HDGFL2: variants seen among roughly 807,000 people sequenced by gnomAD.
HDGFL2 encodes hepatoma-derived growth factor-related protein 2.
Under a neutral mutation model 77.1 loss-of-function variants are expected in HDGFL2, and 36 were observed. The observed-to-expected ratio is 0.47, with a 90% CI of 0.36 to 0.62. The LOEUF (loss-of-function observed/expected upper bound fraction) is 0.62. Ranked by LOEUF, HDGFL2 falls within the 20% of genes least tolerant of loss-of-function variation. The pLI, the probability that HDGFL2 is intolerant of heterozygous loss-of-function variation, is 0.00. For missense variants in HDGFL2, 976 were observed against 973.4 expected (o/e 1.00, Z -0.04); for synonymous variants, 463 against 413.1 (o/e 1.12, Z -1.46).
chr19:4,494,149 G>C lies in HDGFL2; in HGVS notation c.915-17G>C. The C allele has an allele frequency of 6.7e-7, 1 of 1,488,022 alleles. No individual in the cohort carries two copies. The highest frequency in any genetic ancestry group is 1.3e-5 in the South Asian group (1 of 74,746). The allele number at this position is 1,488,022 out of a possible 1,614,324, so 92.2% of individuals were successfully genotyped here. A position where few individuals can be genotyped will look rare whatever the true frequency, so the allele number is the denominator to read the frequency against. ...GAGGGAGGAACGGAGGTCCCCAACC[G>C]CCCCCTCCGCCTCCAGTGACAGCGA... On this transcript the variant is annotated splice_polypyrimidine_tract_variant and intron_variant, in intron 8 of 15. Coordinates refer to ENST00000616600, the MANE Select transcript of HDGFL2 (RefSeq NM_001001520.3).
At chr19:4,498,446 C>T in intron 12 of HDGFL2, 70 bp downstream of exon 12, 1 of 1,247,870 alleles carries the variant, frequency 8.0e-7, no homozygotes, top group Non-Finnish European at 1.2e-6. Flanking sequence ...CCTTAGATGT[C>T]TCGGGAAACT....
intron 1 of HDGFL2, among the ~76,000 whole-genome samples, chr19:4,472,876 C>T (rs1197125537): frequency 9.4e-5 from 14 of 149,428 alleles, no homozygotes; most frequent in Non-Finnish European, 1.5e-4. Flanking sequence ...GTGTCCAAGC[C>T]CTGCAGGAGC....
intron 1 of HDGFL2, chr19:4,474,994 C>T (rs1229938607): frequency 2.8e-5 from 12 of 421,756 alleles, no homozygotes; most frequent in Non-Finnish European, 3.0e-5. Context: ...GCCCCACCCC[C>T]TGGTTGCTTC....
intron 4 of HDGFL2, among the ~76,000 whole-genome samples, chr19:4,491,277 A>ACCCCCCCTC (rs1568211789): frequency 7.1e-5 from 1 of 14,028 alleles, no homozygotes; most frequent in African/African-American, 2.6e-4. Context: ...CCACCCCCCC[A>ACCCCCCCTC]CCCCCCCCGG....
intron 3 of HDGFL2, among the ~76,000 whole-genome samples, chr19:4,480,047 T>C (rs1466428488): frequency 6.6e-6 from 1 of 151,992 alleles, no homozygotes; most frequent in Non-Finnish European, 1.5e-5. Context: ...CAGGTCATTC[T>C]CTGGCATAGG....
chr19:4,498,951 G>T, intron 13 of HDGFL2, 36 bp downstream of exon 13: 2 of 1,456,078 alleles, frequency 1.4e-6, no homozygotes, highest in South Asian at 1.2e-5. Flanking sequence ...GGGTGCAGTC[G>T]GGGGAGCTGG....
chr19:4,493,956 G>T (rs1975623363), intron 7 of HDGFL2, 26 bp from the exon 8 acceptor site: 2 of 1,594,860 alleles, frequency 1.3e-6, no homozygotes, highest in Non-Finnish European at 1.7e-6. Flanking sequence ...GGAAGGGAAG[G>T]TCACCCCCTC....
At chr19:4,499,951 G>A (rs1433454544) in intron 14 of HDGFL2, among the ~76,000 whole-genome samples, 1 of 152,206 alleles carries the variant, frequency 6.6e-6, no homozygotes, top group Non-Finnish European at 1.5e-5. Context: ...CGCCAGAGGG[G>A]TGACGGGGAC....
intron 3 of HDGFL2, among the ~76,000 whole-genome samples, chr19:4,481,845 C>A (rs1323808755): frequency 3.3e-5 from 5 of 151,984 alleles, no homozygotes; most frequent in Non-Finnish European, 5.9e-5. Context: ...TGCACATCGA[C>A]ACTTAGGAAG....
Position 4,495,772 on chromosome 19 carries a change from T to A in HDGFL2, c.1225-530T>A, listed in dbSNP as rs1341436933. ...GCTTGCAGGTGAGCGTGGGAGCAGG[T>A]AGGAGGCCTCCTAGGGTGGTGACTG... On this transcript the variant is annotated intron_variant, in intron 9 of 15. Coordinates refer to ENST00000616600, the MANE Select transcript of HDGFL2 (RefSeq NM_001001520.3). Among the ~76,000 whole-genome samples the A allele has an allele frequency of 2.0e-5, 3 of 152,004 alleles. No individual in the cohort carries two copies. In the East Asian group the frequency reaches 5.8e-4, roughly 29 times the overall value.
chr19:4,488,483 C>T (rs915106817), intron 3 of HDGFL2, among the ~76,000 whole-genome samples, 193 bp from the exon 4 acceptor site: 21 of 152,190 alleles, frequency 1.4e-4, no homozygotes, highest in African/African-American at 4.6e-4. Context: ...CCACCATACA[C>T]GAATCCATCT....
At chr19:4,483,948 C>T (rs1975290445) in intron 3 of HDGFL2, among the ~76,000 whole-genome samples, 1 of 151,886 alleles carries the variant, frequency 6.6e-6, no homozygotes, top group Non-Finnish European at 1.5e-5. Flanking sequence ...TGCCACCACG[C>T]CCAGCTAATT....
chr19:4,480,620 G>A (rs1239160027), intron 3 of HDGFL2, among the ~76,000 whole-genome samples: 1 of 152,152 alleles, frequency 6.6e-6, no homozygotes, highest in Non-Finnish European at 1.5e-5. Context: ...TCGGGAGGCT[G>A]AGGCAGGACA....
intron 3 of HDGFL2, among the ~76,000 whole-genome samples, chr19:4,481,145 C>T (rs562106588): frequency 6.6e-6 from 1 of 151,346 alleles, no homozygotes; most frequent in East Asian, 2.0e-4. Flanking sequence ...CCTCAGCCTC[C>T]CGAGTAGCTG....
rs934821954 is a variant in HDGFL2 at position 4,491,895 on chromosome 19, G to T, written c.678+60G>T. ...TCGTGGGGCACCTCTGCGGTCTCCA[G>T]TGCTGTCCCCAGGGCAGGGCGGGCC... On this transcript the variant is annotated intron_variant, in intron 6 of 15. Coordinates refer to ENST00000616600, the MANE Select transcript of HDGFL2 (RefSeq NM_001001520.3). 3.2e-5 allele frequency: 47 copies of T among 1,483,422 alleles called. 1 individual carries two copies. The Admixed American group carries it at 7.9e-4, about 25-fold the overall frequency. The allele number at this position is 1,483,422 out of a possible 1,614,324, so 91.9% of individuals were successfully genotyped here.
intron 13 of HDGFL2, among the ~76,000 whole-genome samples, 191 bp from the exon 14 acceptor site, chr19:4,499,300 C>G (rs1012765518): frequency 6.6e-6 from 1 of 151,524 alleles, no homozygotes; most frequent in African/African-American, 2.4e-5. Flanking sequence ...GAGCCGAGAT[C>G]GCGCCACTGC....
intron 10 of HDGFL2, 126 bp from the exon 11 acceptor site, chr19:4,497,832 G>T: frequency 1.2e-6 from 1 of 832,040 alleles, no homozygotes. Flanking sequence ...CCGTTTCCCG[G>T]CTTAGCTCCC....
rs934052637 is a variant in HDGFL2, at chr19:4,494,036, C to T, written c.893C>T (p.Pro298Leu). The T allele has an allele frequency of 1.1e-5, 18 of 1,610,002 alleles. No individual in the cohort carries two copies. The highest frequency in any genetic ancestry group is 2.2e-5 in the East Asian group (1 of 44,716). Residue 298 changes from proline to leucine, a missense_variant, in exon 8 of 16, where the codon CCG (proline) becomes CTG (leucine). Around this residue, in one of 5 missense-constraint regions of HDGFL2, gnomAD observed 567 missense variants for 534.7 expected, o/e 1.06. Coordinates refer to ENST00000616600, the MANE Select transcript of HDGFL2 (RefSeq NM_001001520.3). ...RGRKPKPERPPSSSSSDSDSD... is the reference protein window; with the variant it reads ...RGRKPKPERPLSSSSSDSDSD... The stretch of plus-strand genomic sequence containing the variant: ...CGGAAACCGAAGCCTGAACGGCCTC[C>T]GTCCAGCTCCAGCAGTGACAGGTGG...
In HDGFL2 at chr19:4,472,331, C is replaced by T. The variant is rs1182885410; in HGVS notation, c.-20C>T. ...CGCCGCTGCAGCCGCTTTCCGCGGC[C>T]TGGGCCTCTCGCCGTCAGCATGCCA... On this transcript the variant is annotated 5_prime_UTR_variant, in exon 1 of 16. Coordinates refer to ENST00000616600, the MANE Select transcript of HDGFL2 (RefSeq NM_001001520.3). 5.3e-6 allele frequency: 8 copies of T among 1,508,362 alleles called. No individual in the cohort carries two copies. In the African/African-American group the frequency reaches 5.8e-5, roughly 11 times the overall value. The allele number at this position is 1,508,362 out of a possible 1,614,324, so 93.4% of individuals were successfully genotyped here.
Sources: gnomAD v4.1 joint callset for allele counts (sites outside exome capture counted in the v4.1 genomes callset) on GRCh38, gnomAD v4.1.1 for gene constraint, gnomAD v4.1.1 regional missense constraint, MANE v1.5 for transcripts, NCBI Gene and HGNC (gene_info 2026-07-23, HGNC 2026-07-21) for gene names.